Variants in RIMS2 observed in about 807,000 individuals in gnomAD.
RIMS2 encodes regulating synaptic membrane exocytosis protein 2.
Under a neutral mutation model 174.4 loss-of-function variants are expected in RIMS2, and 59 were observed. The observed-to-expected ratio is 0.34, with a 90% confidence interval of 0.27 to 0.42. The LOEUF (loss-of-function observed/expected upper bound fraction) is 0.42. Among genes scored for constraint, RIMS2 ranks in the 10% least tolerant of loss-of-function variants. The pLI is 1.00. For missense variants in RIMS2, 1,620 were observed against 1,666.3 expected, an observed-to-expected ratio of 0.97 and a Z score of 0.48; for synonymous variants, 606 against 572.5, an observed-to-expected ratio of 1.06 and a Z score of -0.84.
chr8:103,902,120 G>T (rs1328266972), intron 4 of RIMS2, among the ~76,000 whole-genome samples: 3 of 152,074 alleles, frequency 2.0e-5, no homozygotes, highest in Non-Finnish European at 4.4e-5. Flanking sequence ...AAGATTGTTG[G>T]CAGAATTTAT....
At chr8:103,528,595 C>T (rs1316113310) in intron 1 of RIMS2, among the ~76,000 whole-genome samples, 1 of 152,174 alleles carries the variant, frequency 6.6e-6, no homozygotes, top group Non-Finnish European at 1.5e-5. Flanking sequence ...GATTCAGTTT[C>T]AGCTTTCTAC....
chr8:103,764,743 A>G (rs1351233857), intron 2 of RIMS2, among the ~76,000 whole-genome samples: 4 of 152,152 alleles, frequency 2.6e-5, no homozygotes, highest in Non-Finnish European at 5.9e-5. Flanking sequence ...ATAATATCAA[A>G]TATATTATTA....
intron 3 of RIMS2, among the ~76,000 whole-genome samples, chr8:103,842,272 T>C (rs2098944419): frequency 6.6e-6 from 1 of 152,096 alleles, no homozygotes; most frequent in African/African-American, 2.4e-5. Flanking sequence ...GTTATAGTTT[T>C]TGCTTTTGTT....
In RIMS2 at chr8:103,587,436, G is replaced by GA. The variant is rs897355930; in HGVS notation, c.176+86377dup. Among the ~76,000 whole-genome samples, 28 of 121,986 alleles carry GA rather than the reference G, an allele frequency of 2.3e-4. 1 individual carries two copies. The highest frequency in any genetic ancestry group is 2.2e-3 in the Admixed American group (28 of 12,898). 80.0% of individuals were successfully genotyped at this position (121,986 alleles called of 152,430 possible). On this transcript the variant is annotated intron_variant, in intron 1 of 23. Coordinates refer to ENST00000504942, the Ensembl canonical transcript of RIMS2. ...AGAAAGAAAGAAAGAAAGAAAGAAA[G>GA]AAAGAAAGAAAGAAAGAAAGAAAGA...
intron 3 of RIMS2, 48 bp downstream of exon 6, chr8:103,766,585 C>T (rs780344640): frequency 1.2e-5 from 15 of 1,237,288 alleles, no homozygotes; most frequent in East Asian, 2.4e-5. Context: ...TTTTAGTCTT[C>T]ATTCCAAACA....
chr8:104,186,944 A>T (rs1563628153), intron 19 of RIMS2, among the ~76,000 whole-genome samples: 1 of 151,802 alleles, frequency 6.6e-6, no homozygotes, highest in Non-Finnish European at 1.5e-5. Flanking sequence ...AAAGGAAAAT[A>T]TGTCTTGCAG....
chr8:103,800,593 T>C (rs2098600299), intron 3 of RIMS2, among the ~76,000 whole-genome samples: 1 of 152,224 alleles, frequency 6.6e-6, no homozygotes, highest in Non-Finnish European at 1.5e-5. Context: ...AAGGATCACA[T>C]GGTTTTTCCT....
chr8:103,885,981 A>G (rs367984365), exon 4 of RIMS2: 65 of 1,612,928 alleles, frequency 4.0e-5, no homozygotes, highest in African/African-American at 5.3e-5. Context: ...CACCACTTAG[A>G]TCCTAGCTCT....
chr8:103,943,138 A>T (rs1029194552), intron 14 of RIMS2, among the ~76,000 whole-genome samples: 3 of 152,188 alleles, frequency 2.0e-5, no homozygotes, highest in Non-Finnish European at 4.4e-5. Context: ...CACCTATCAC[A>T]ATGTTGAAGT....
At chr8:103,643,947 C>T (rs2096277319) in intron 1 of RIMS2, among the ~76,000 whole-genome samples, 1 of 151,832 alleles carries the variant, frequency 6.6e-6, no homozygotes, top group Non-Finnish European at 1.5e-5. Context: ...GGCAAAACAC[C>T]ATCTTTATAA....
At chr8:104,136,461 C>T (rs770866019) in intron 19 of RIMS2, among the ~76,000 whole-genome samples, 25 of 152,028 alleles carry the variant, frequency 1.6e-4, no homozygotes, top group Admixed American at 2.0e-4. Flanking sequence ...TTCATTTATG[C>T]CAAAAGTGTA....
intron 19 of RIMS2, among the ~76,000 whole-genome samples, chr8:104,141,459 A>G (rs891185811): frequency 3.3e-5 from 5 of 152,194 alleles, no homozygotes; most frequent in Non-Finnish European, 7.3e-5. Context: ...GATAGCCATG[A>G]TCTCTCCAAA....
At chr8:103,699,252 G>C (rs574705931) in intron 2 of RIMS2, among the ~76,000 whole-genome samples, 1 of 152,192 alleles carries the variant, frequency 6.6e-6, no homozygotes, top group South Asian at 2.1e-4. Flanking sequence ...CTAGAGAAAG[G>C]ATCTTACTCT....
chr8:103,851,892 T>C (rs2099000536), intron 3 of RIMS2, among the ~76,000 whole-genome samples: 2 of 151,878 alleles, frequency 1.3e-5, no homozygotes, highest in Non-Finnish European at 2.9e-5. Context: ...ATTAATTGTA[T>C]GGTTCAGCCC....
intron 3 of RIMS2, among the ~76,000 whole-genome samples, chr8:103,842,408 T>A (rs1171709696): frequency 6.6e-6 from 1 of 152,098 alleles, no homozygotes; most frequent in Admixed American, 6.5e-5. Flanking sequence ...ATAAATAATG[T>A]GGCAATGAAT....
At chr8:104,243,802 G>C (rs967075004) in intron 19 of RIMS2, among the ~76,000 whole-genome samples, 1 of 152,124 alleles carries the variant, frequency 6.6e-6, no homozygotes, top group African/African-American at 2.4e-5. Flanking sequence ...AGAAGTAATC[G>C]AGTACAAATC....
chr8:103,633,192 A>ATTTTTTTTTTTTTTTTT (rs150376641), intron 1 of RIMS2, among the ~76,000 whole-genome samples: 1 of 134,930 alleles, frequency 7.4e-6, no homozygotes. Context: ...ACGCCCGGCT[A>ATTTTTTTTTTTTTTTTT]TTTTTTTTTT....
chr8:103,778,439 A>G (rs1432421051), intron 3 of RIMS2, among the ~76,000 whole-genome samples: 1 of 152,022 alleles, frequency 6.6e-6, no homozygotes, highest in Non-Finnish European at 1.5e-5. Context: ...TCTGGTAACC[A>G]TCAATCTACT....
chr8:103,816,692 T>A (rs1197726020), intron 3 of RIMS2, among the ~76,000 whole-genome samples: 1 of 152,134 alleles, frequency 6.6e-6, no homozygotes, highest in Non-Finnish European at 1.5e-5. Flanking sequence ...ATTTCTGGGA[T>A]ACTGAGGGAA....
Sources: gnomAD v4.1 joint callset for allele counts (sites outside exome capture counted in the v4.1 genomes callset) on GRCh38, gnomAD v4.1.1 for gene constraint, MANE v1.5 for transcripts, NCBI Gene and HGNC (gene_info 2026-07-23, HGNC 2026-07-21) for gene names.